BMPR1B: variants seen among roughly 807,000 people sequenced by gnomAD.
The protein encoded by BMPR1B is bone morphogenetic protein receptor type 1B.
A neutral mutation model predicts 59.1 loss-of-function variants in BMPR1B; 12 were observed. That is an observed-to-expected ratio of 0.20 (90% CI 0.13 to 0.33). BMPR1B has a LOEUF of 0.33. BMPR1B is among the 10% of genes least tolerant of loss of function. The pLI is 1.00. For missense variants in BMPR1B, 550 were observed against 610.9 expected, an observed-to-expected ratio of 0.90 and a Z score of 1.05; for synonymous variants, 237 against 207.3, an observed-to-expected ratio of 1.14 and a Z score of -1.23.
intron 2 of BMPR1B, among the ~76,000 whole-genome samples, chr4:94,918,908 T>A (rs957178336): frequency 7.0e-5 from 10 of 142,372 alleles, no homozygotes; most frequent in Non-Finnish European, 1.6e-4. Context: ...TCCATTATTT[T>A]ATTTATTTAT....
intron 4 of BMPR1B, among the ~76,000 whole-genome samples, chr4:95,108,624 C>T (rs1308118542): frequency 1.3e-5 from 2 of 152,072 alleles, no homozygotes; most frequent in East Asian, 1.9e-4. Context: ...TTGGCTTGAT[C>T]TCTGTCAGGT....
chr4:94,771,853 T>C (rs933499792), intron 1 of BMPR1B, among the ~76,000 whole-genome samples: 1 of 152,186 alleles, frequency 6.6e-6, no homozygotes, highest in African/African-American at 2.4e-5. Context: ...AAAAGACTCA[T>C]TTGAAATCAG....
intron 1 of BMPR1B, among the ~76,000 whole-genome samples, chr4:94,802,278 G>C (rs1387626202): frequency 6.6e-6 from 1 of 152,208 alleles, no homozygotes; most frequent in African/African-American, 2.4e-5. Flanking sequence ...CAGCAGCACT[G>C]TTCCCATTGA....
intron 2 of BMPR1B, among the ~76,000 whole-genome samples, chr4:94,929,653 C>T (rs577793472): frequency 6.6e-6 from 1 of 152,158 alleles, no homozygotes; most frequent in South Asian, 2.1e-4. Flanking sequence ...AAGCTTTCTT[C>T]TCTTAGCCCT....
At chr4:94,845,691 G>T (rs1725296655) in intron 1 of BMPR1B, among the ~76,000 whole-genome samples, 1 of 152,148 alleles carries the variant, frequency 6.6e-6, no homozygotes, top group African/African-American at 2.4e-5. Flanking sequence ...AACTTGTAAA[G>T]AAATACCTAT....
At chr4:95,064,170 GA>G (rs961440537) in intron 3 of BMPR1B, among the ~76,000 whole-genome samples, 1 of 152,014 alleles carries the variant, frequency 6.6e-6, no homozygotes. Flanking sequence ...AGCAATAATA[GA>G]AAAAAATAAT....
At chr4:95,139,105 C>T (rs1734022417) in intron 10 of BMPR1B, among the ~76,000 whole-genome samples, 1 of 152,084 alleles carries the variant, frequency 6.6e-6, no homozygotes, top group Admixed American at 6.5e-5. Flanking sequence ...TGTGGATGTC[C>T]TTTCTGTTTG....
intron 1 of BMPR1B, among the ~76,000 whole-genome samples, chr4:94,769,968 A>C (rs1177594252): frequency 6.6e-6 from 1 of 152,162 alleles, no homozygotes; most frequent in African/African-American, 2.4e-5. Context: ...TGGGTATTCT[A>C]GCTGAAGTAT....
intron 2 of BMPR1B, among the ~76,000 whole-genome samples, chr4:94,929,423 T>G (rs983635761): frequency 2.6e-5 from 4 of 152,122 alleles, no homozygotes; most frequent in African/African-American, 9.7e-5. Flanking sequence ...AAAACTCTTT[T>G]GCAAATGTCA....
At chr4:94,953,884 C>T (rs1291291825) in intron 2 of BMPR1B, among the ~76,000 whole-genome samples, 1 of 152,168 alleles carries the variant, frequency 6.6e-6, no homozygotes, top group Non-Finnish European at 1.5e-5. Flanking sequence ...ACATCACTTT[C>T]AGGTATACCA....
Position 94,863,589 on chromosome 4 carries a change from G to A in BMPR1B, c.-182-12242G>A, listed in dbSNP as rs138933559. 1.7e-3 allele frequency among the ~76,000 whole-genome samples: 260 copies of A among 152,264 alleles called. 4 individuals carry two copies. Among genetic ancestry groups the A allele is most frequent in the African/African-American group, 6.1e-3 (255 of 41,550 alleles). On this transcript the variant is annotated intron_variant, in intron 1 of 12. Coordinates refer to ENST00000515059, the MANE Select transcript of BMPR1B (RefSeq NM_001203.3). ...TGCTATTTGGTTTCTAATTTAGGTT[G>A]TGTATTTTCCTCTAATGTTTCATTT...
intron 4 of BMPR1B, among the ~76,000 whole-genome samples, chr4:95,109,569 G>C (rs896495655): frequency 1.3e-5 from 2 of 151,726 alleles, no homozygotes; most frequent in African/African-American, 4.8e-5. Flanking sequence ...AACCATCCAG[G>C]GTTTTATTTT....
chr4:94,852,593 T>A (rs1544389), intron 1 of BMPR1B, among the ~76,000 whole-genome samples: 92,334 of 151,848 alleles, frequency 0.61, 28,952 homozygotes, highest in African/African-American at 0.76. Flanking sequence ...GGGATTTAGC[T>A]GTTTTACAGG....
chr4:94,856,275 G>A (rs1473789920), intron 1 of BMPR1B, among the ~76,000 whole-genome samples: 1 of 152,118 alleles, frequency 6.6e-6, no homozygotes, highest in South Asian at 2.1e-4. Flanking sequence ...TGCTGCAGGG[G>A]TGCCGTTTTT....
At chr4:95,038,766 G>A (rs1381764787) in intron 3 of BMPR1B, among the ~76,000 whole-genome samples, 1 of 152,154 alleles carries the variant, frequency 6.6e-6, no homozygotes, top group East Asian at 1.9e-4. Context: ...GTGCTAATGA[G>A]ATGTAGTGAG....
intron 2 of BMPR1B, among the ~76,000 whole-genome samples, chr4:94,908,083 A>C (rs942751203): frequency 7.7e-6 from 1 of 130,338 alleles, no homozygotes; most frequent in Non-Finnish European, 1.6e-5. Context: ...AAAAAAAAAA[A>C]AAAAAAAGAA....
chr4:94,957,360 T>C (rs1320444843), intron 2 of BMPR1B, among the ~76,000 whole-genome samples: 8 of 120,936 alleles, frequency 6.6e-5, no homozygotes, highest in African/African-American at 2.1e-4. Context: ...TTTTTTTTTT[T>C]CCTTTTGCAA....
rs151056742 is a variant in BMPR1B at position 95,148,808 on chromosome 4, T to C, written c.1137T>C (p.Pro379=). The change falls in exon 11 of 13, where the codon CCT becomes CCC. Residue 379 remains proline (P), a synonymous_variant. Coordinates refer to ENST00000515059, the MANE Select transcript of BMPR1B (RefSeq NM_001203.3). ...GAGTTGGCACCAAACGCTATATGCC[T>C]CCAGAAGTGTTGGACGAGAGCTTGA... ...NTRVGTKRYM[P]PEVLDESLNR... 2 of 1,613,894 alleles carry C rather than the reference T, an allele frequency of 1.2e-6. No homozygotes were observed. Among genetic ancestry groups the C allele is most frequent in the Non-Finnish European group, 1.7e-6 (2 of 1,179,946 alleles).
At chr4:94,917,862 C>A (rs577810109) in intron 2 of BMPR1B, among the ~76,000 whole-genome samples, 22 of 152,230 alleles carry the variant, frequency 1.4e-4, no homozygotes, top group South Asian at 4.1e-4. Flanking sequence ...GGAGGTGAGA[C>A]CTGGTGGGAG....
Sources: allele counts gnomAD v4.1 joint callset (sites outside exome capture counted in the v4.1 genomes callset), GRCh38; gene constraint gnomAD v4.1.1; transcripts MANE v1.5; gene names NCBI Gene and HGNC (gene_info 2026-07-23, HGNC 2026-07-21).